Variants in MRPS9 observed in about 807,000 individuals in gnomAD.
MRPS9 encodes mitochondrial ribosomal protein S9.
MRPS9 carries 45 observed loss-of-function variants against 59.9 expected under a neutral mutation model. The ratio of observed to expected loss-of-function variants is 0.75; its 90% CI spans 0.59 to 0.96. The LOEUF is 0.96. Among genes scored for constraint, MRPS9 ranks in the 40% least tolerant of loss-of-function variants. The pLI, the probability that MRPS9 is intolerant of heterozygous loss-of-function variation, is 0.00. For missense variants in MRPS9, 473 were observed against 481.1 expected, an observed-to-expected ratio of 0.98 and a Z score of 0.16; for synonymous variants, 171 against 166.8, an observed-to-expected ratio of 1.03 and a Z score of -0.19.
chr2:105,080,766 G>T (rs1680313616), intron 5 of MRPS9, among the ~76,000 whole-genome samples: 1 of 151,818 alleles, frequency 6.6e-6, no homozygotes, highest in Non-Finnish European at 1.5e-5. Flanking sequence ...ATATTTATTG[G>T]GCTTCCCCCA....
Position 105,099,837 on chromosome 2 carries a change from C to A in MRPS9, c.*76C>A. 1.5e-6 allele frequency: 2 copies of A among 1,358,368 alleles called. No individual in the cohort carries two copies. The highest frequency in any genetic ancestry group is 2.1e-6 in the Non-Finnish European group (2 of 961,870). The allele number at this position is 1,358,368 out of a possible 1,614,324, so 84.1% of individuals were successfully genotyped here. A position where few individuals can be genotyped will look rare whatever the true frequency, so the allele number is the denominator to read the frequency against. On this transcript the variant is annotated 3_prime_UTR_variant, in exon 11 of 11. Coordinates refer to ENST00000258455, the MANE Select transcript of MRPS9 (RefSeq NM_182640.3). ...GTGGCAGACACACAGTAAATAATGG[C>A]TGACCAGCATGAGGGCAGTACTGTC...
intron 2 of MRPS9, among the ~76,000 whole-genome samples, chr2:105,052,068 A>T (rs1387535009): frequency 6.6e-6 from 1 of 151,252 alleles, no homozygotes; most frequent in Non-Finnish European, 1.5e-5. Context: ...TTCACCTGAA[A>T]ATGGAAATAG....
At chr2:105,054,615 G>A (rs4851051) in intron 2 of MRPS9, among the ~76,000 whole-genome samples, 9,064 of 68,634 alleles carry the variant, frequency 0.13, 392 homozygotes, top group Non-Finnish European at 0.14. Flanking sequence ...AATATAGCGG[G>A]CCCCTTTTGG....
chr2:105,066,255 GT>G (rs1558755832), intron 2 of MRPS9, among the ~76,000 whole-genome samples: 1 of 152,124 alleles, frequency 6.6e-6, no homozygotes, highest in African/African-American at 2.4e-5. Flanking sequence ...CTTTTCCACA[GT>G]ATTTGGTACA....
At chr2:105,080,308 T>C (rs1408409402) in intron 5 of MRPS9, among the ~76,000 whole-genome samples, 1 of 152,222 alleles carries the variant, frequency 6.6e-6, no homozygotes, top group African/African-American at 2.4e-5. Flanking sequence ...ATTGAAATCA[T>C]GTTCCAAGAT....
intron 4 of MRPS9, among the ~76,000 whole-genome samples, chr2:105,072,957 A>G (rs1317848431): frequency 6.6e-6 from 1 of 152,216 alleles, no homozygotes; most frequent in Non-Finnish European, 1.5e-5. Flanking sequence ...TGGGGAAATA[A>G]TAAATGAAGA....
rs1680678868 is a variant in MRPS9 at position 105,097,181 on chromosome 2, T to C, written c.956T>C (p.Phe319Ser). 1.3e-6 allele frequency: 2 copies of C among 1,592,822 alleles called. No individual in the cohort carries two copies. The highest frequency in any genetic ancestry group is 1.7e-6 in the Non-Finnish European group (2 of 1,170,058). Reference protein sequence around the residue: ...DREQLMFPFHFVDRLGKHDVT... With the variant: ...DREQLMFPFHSVDRLGKHDVT... ...GAACAGCTGATGTTCCCTTTCCACT[T>C]TGTTGACCGGCTGGGAAAGCACGAC... Residue 319 changes from phenylalanine to serine, a missense_variant, in exon 10 of 11, where the codon TTT becomes TCT. Transcript: ENST00000258455.
rs368177472 is a variant in MRPS9 at position 105,049,249 on chromosome 2, G to A, written c.214G>A (p.Asp72Asn). ...PTSKRETYTEDFIKKQIEEFN... is the reference protein window; with the variant it reads ...PTSKRETYTENFIKKQIEEFN... ...CTCAAAACGTGAAACTTACACAGAG[G>A]ATTTTATTAAAAAGCAGATTGAAGA... Residue 72 changes from aspartate to asparagine, a missense_variant, in exon 2 of 11, where the codon GAT (aspartate) becomes AAT (asparagine). Transcript: ENST00000258455. 6.2e-7 allele frequency: 1 copy of A among 1,613,328 alleles called. No individual in the cohort carries two copies. The highest frequency in any genetic ancestry group is 1.1e-5 in the South Asian group (1 of 90,978).
chr2:105,062,471 A>G (rs1679925353), intron 2 of MRPS9, among the ~76,000 whole-genome samples: 1 of 152,202 alleles, frequency 6.6e-6, no homozygotes, highest in African/African-American at 2.4e-5. Context: ...TTCACAGGAG[A>G]TAAAGTTAGG....
chr2:105,066,310 A>G (rs1218433166), intron 2 of MRPS9, among the ~76,000 whole-genome samples: 1 of 152,202 alleles, frequency 6.6e-6, no homozygotes, highest in Non-Finnish European at 1.5e-5. Context: ...AGTGTGTATT[A>G]ATTTACTTTT....
chr2:105,077,605 A>G (rs1254681711), intron 4 of MRPS9, among the ~76,000 whole-genome samples: 1 of 152,250 alleles, frequency 6.6e-6, no homozygotes, highest in Non-Finnish European at 1.5e-5. Flanking sequence ...AGTCCAGAAC[A>G]ATAAACTCCC....
intron 1 of MRPS9, 149 bp from the exon 2 acceptor site, chr2:105,049,022 C>T (rs12620753): frequency 0.21 from 116,403 of 567,618 alleles, 13,162 homozygotes; most frequent in Middle Eastern, 0.3. Context: ...CTTAGCAGGT[C>T]CTTTAAACTT....
rs58438490 is a variant in MRPS9, at chr2:105,084,247, A to AATATAT, written c.489+4202_489+4207dup. ...TGGCCACAGATGAAATATATACCAA[A>AATATAT]ATATATATATATATATATATATGTA... On this transcript the variant is annotated intron_variant, in intron 5 of 10. Coordinates refer to ENST00000258455, the MANE Select transcript of MRPS9 (RefSeq NM_182640.3). Among the ~76,000 whole-genome samples, 562 of 139,590 alleles carry AATATAT rather than the reference A, an allele frequency of 4.0e-3. 2 individuals carry two copies. Among genetic ancestry groups the AATATAT allele is most frequent in the African/African-American group, 0.012 (441 of 38,268 alleles). 91.6% of individuals were successfully genotyped at this position (139,590 alleles called of 152,430 possible). A position where few individuals can be genotyped will look rare whatever the true frequency, so the allele number is the denominator to read the frequency against.
At chr2:105,067,294 C>T (rs969549176) in intron 2 of MRPS9, among the ~76,000 whole-genome samples, 2 of 152,140 alleles carry the variant, frequency 1.3e-5, no homozygotes, top group African/African-American at 4.8e-5. Flanking sequence ...GGCCACTTGT[C>T]TTGTACAGTT....
chr2:105,086,256 CATCA>C, intron 5 of MRPS9, among the ~76,000 whole-genome samples: 1 of 152,072 alleles, frequency 6.6e-6, no homozygotes, highest in Admixed American at 6.5e-5. Context: ...GGGTTACAAT[CATCA>C]AATTGTAAGC....
intron 2 of MRPS9, among the ~76,000 whole-genome samples, chr2:105,053,258 ATAT>A (rs1256943719): frequency 9.9e-5 from 15 of 152,182 alleles, no homozygotes; most frequent in Non-Finnish European, 2.1e-4. Context: ...TGGGATGTTA[ATAT>A]TATTTTCATG....
chr2:105,050,272 T>C (rs1416550089), intron 2 of MRPS9, among the ~76,000 whole-genome samples: 1 of 152,206 alleles, frequency 6.6e-6, no homozygotes, highest in Non-Finnish European at 1.5e-5. Flanking sequence ...CCTGAGTAGC[T>C]GGGCTTACAG....
chr2:105,050,054 G>A (rs1217897466), intron 2 of MRPS9, among the ~76,000 whole-genome samples: 3 of 152,004 alleles, frequency 2.0e-5, no homozygotes, highest in Non-Finnish European at 4.4e-5. Context: ...CAATCTTTCT[G>A]TATACTTTTC....
At chr2:105,052,378 A>G (rs56391057) in intron 2 of MRPS9, among the ~76,000 whole-genome samples, 31,378 of 151,900 alleles carry the variant, frequency 0.21, 3,285 homozygotes, top group Middle Eastern at 0.35. Context: ...ATGCTTTTCC[A>G]TTTTGATGAT....
Sources: allele counts gnomAD v4.1 joint callset (sites outside exome capture counted in the v4.1 genomes callset), GRCh38; gene constraint gnomAD v4.1.1; transcripts MANE v1.5; gene names NCBI Gene and HGNC (gene_info 2026-07-23, HGNC 2026-07-21).